PCDHGA7: variants seen among roughly 807,000 people sequenced by gnomAD.
The protein encoded by PCDHGA7 is protocadherin gamma subfamily A, 7, also known as protocadherin gamma-A7.
PCDHGA7 carries 44 observed loss-of-function variants against 58.3 expected under a neutral mutation model. The observed-to-expected ratio is 0.75, with a 90% CI of 0.59 to 0.97. PCDHGA7 has a LOEUF of 0.97. Ranked by LOEUF, PCDHGA7 falls within the 50% of genes least tolerant of loss-of-function variation. The pLI is 0.00. For synonymous variants in PCDHGA7, 516 were observed against 504.2 expected, an observed-to-expected ratio of 1.02 and a Z score of -0.31; for missense variants, 1,266 against 1,188.7, an observed-to-expected ratio of 1.06 and a Z score of -0.96.
In PCDHGA7 at chr5:141,477,028, G is replaced by A. The variant is rs1015508317; in HGVS notation, c.2425-17779G>A. On this transcript the variant is annotated intron_variant, in intron 1 of 3. Coordinates refer to ENST00000518325, the MANE Select transcript of PCDHGA7 (RefSeq NM_018920.4). The surrounding 1 kb of genome is among the most constrained non-coding windows in gnomAD (Gnocchi z 4.9). ...CCTTAGACCTTGTAACCGGGATGCT[G>A]ACAATCAAGGGTCGGCTGGACTTCG... The A allele has an allele frequency of 2.5e-6, 4 of 1,614,146 alleles. No homozygotes were observed. The highest frequency in any genetic ancestry group is 1.7e-5 in the Admixed American group (1 of 60,018).
chr5:141,404,707 C>A, intron 1 of PCDHGA7: 1 of 1,614,122 alleles, frequency 6.2e-7, no homozygotes, highest in South Asian at 1.1e-5. Flanking sequence ...CAGAGCCTGG[C>A]TACCTGGTGA....
At chr5:141,414,099 A>C in intron 1 of PCDHGA7, 3 of 1,593,504 alleles carry the variant, frequency 1.9e-6, no homozygotes, top group Non-Finnish European at 8.5e-7. Flanking sequence ...TAAAAATATC[A>C]GAAAATCTAG....
intron 1 of PCDHGA7, chr5:141,400,515 T>A: frequency 6.2e-7 from 1 of 1,613,988 alleles, no homozygotes. Flanking sequence ...CGACTTCCCA[T>A]CCTGAGTTGG....
intron 1 of PCDHGA7, chr5:141,398,674 A>T: frequency 6.2e-7 from 1 of 1,614,010 alleles, no homozygotes; most frequent in Non-Finnish European, 8.5e-7. Context: ...ATTAATAATT[A>T]AGGAGAAACA....
At chr5:141,387,529 T>C (rs933925608) in intron 1 of PCDHGA7, among the ~76,000 whole-genome samples, 2 of 152,236 alleles carry the variant, frequency 1.3e-5, no homozygotes, top group East Asian at 1.9e-4. Flanking sequence ...TACAGACGTA[T>C]CCACGTAGTT....
intron 1 of PCDHGA7, chr5:141,478,400 C>A (rs1295855090): frequency 6.2e-7 from 1 of 1,613,550 alleles, no homozygotes; most frequent in East Asian, 2.2e-5. Context: ...TCAGGTGTAT[C>A]TCACCACGGA....
At chr5:141,423,173 A>T (rs2096717258) in intron 1 of PCDHGA7, 1 of 1,613,330 alleles carries the variant, frequency 6.2e-7, no homozygotes, top group South Asian at 1.1e-5. Flanking sequence ...GCCGTCCAGG[A>T]CCACGGCCAG....
chr5:141,431,442 TCC>T lies in PCDHGA7; in HGVS notation c.2424+46120_2424+46121del. ...CCGGTGCGCACAGGCACCGCGCGCATCCGCGTGATGGTTCTGGATGCGAACGA... is the reference window on the plus strand; with the variant it reads ...CCGGTGCGCACAGGCACCGCGCGCATGCGTGATGGTTCTGGATGCGAACGA... On this transcript the variant is annotated intron_variant, in intron 1 of 3. Transcript: ENST00000518325. This position sits in a 1 kb window ranked among gnomAD's most constrained non-coding sequence, Gnocchi z 4.8. 1 of 1,613,746 alleles carries T rather than the reference TCC, an allele frequency of 6.2e-7. No homozygotes were observed. The highest frequency in any genetic ancestry group is 1.3e-5 in the African/African-American group (1 of 75,074).
chr5:141,487,068 T>C lies in PCDHGA7; in HGVS notation c.2425-7739T>C. ...TATGCTGGGGAGGTGCGGACGGCTG[T>C]TCCTATCCCAGCTGACCTCCCACCA... On this transcript the variant is annotated intron_variant, in intron 1 of 3. Transcript: ENST00000518325. The surrounding 1 kb of genome is among the most constrained non-coding windows in gnomAD (Gnocchi z 5.0). The C allele has an allele frequency of 6.2e-7, 1 of 1,614,166 alleles. No individual in the cohort carries two copies. The highest frequency in any genetic ancestry group is 8.5e-7 in the Non-Finnish European group (1 of 1,180,016).
chr5:141,490,111 A>G lies in PCDHGA7; in HGVS notation c.2425-4696A>G. 6.2e-7 allele frequency: 1 copy of G among 1,614,244 alleles called. No individual in the cohort carries two copies. The highest frequency in any genetic ancestry group is 8.5e-7 in the Non-Finnish European group (1 of 1,180,042). On this transcript the variant is annotated intron_variant, in intron 1 of 3. Coordinates refer to ENST00000518325, the MANE Select transcript of PCDHGA7 (RefSeq NM_018920.4). The surrounding 1 kb of genome is among the most constrained non-coding windows in gnomAD (Gnocchi z 5.4). ...AGACCACACATCTGAGGCAGTGCGGAACCTCTTTGGCCTAGACCCTAGCAG... is the reference window on the plus strand; with the variant it reads ...AGACCACACATCTGAGGCAGTGCGGGACCTCTTTGGCCTAGACCCTAGCAG...
Position 141,422,522 on chromosome 5 carries a change from C to T in PCDHGA7, c.2424+37199C>T, listed in dbSNP as rs767482856. On this transcript the variant is annotated intron_variant, in intron 1 of 3. Coordinates refer to ENST00000518325, the MANE Select transcript of PCDHGA7 (RefSeq NM_018920.4). Reference sequence around the variant, plus strand: ...ACAGCCACAGACCAGGGAAGCCCGCCTTTGTCTGCAGAAACTCATGTCTGG... The same window carrying T: ...ACAGCCACAGACCAGGGAAGCCCGCTTTTGTCTGCAGAAACTCATGTCTGG... 11 of 1,614,014 alleles carry T rather than the reference C, an allele frequency of 6.8e-6. No homozygotes were observed. In the South Asian group the frequency reaches 1.1e-4, roughly 16 times the overall value.
intron 1 of PCDHGA7, among the ~76,000 whole-genome samples, chr5:141,481,820 C>T (rs2099545799): frequency 6.6e-6 from 1 of 150,726 alleles, no homozygotes; most frequent in Non-Finnish European, 1.5e-5. Context: ...GGCGTGGTGG[C>T]TGAGGCAGGA....
chr5:141,394,316 G>C (rs779061595), intron 1 of PCDHGA7: 1 of 1,613,976 alleles, frequency 6.2e-7, no homozygotes, highest in African/African-American at 1.3e-5. Context: ...GGGCGCCCCT[G>C]TCCTCGTATA....
intron 1 of PCDHGA7, chr5:141,405,443 A>G (rs2154536495): frequency 7.2e-7 from 1 of 1,381,938 alleles, no homozygotes; most frequent in Non-Finnish European, 1.0e-6. Flanking sequence ...TTTTTGAGAC[A>G]GAGTCTTACT....
In PCDHGA7 at chr5:141,477,155, G is replaced by A. The variant is rs2099406190; in HGVS notation, c.2425-17652G>A. ...GTTGGTGGAGGTTGTGGATGTGAATGACAACGCCCCGGAGATCACAGTCAC... is the reference window on the plus strand; with the variant it reads ...GTTGGTGGAGGTTGTGGATGTGAATAACAACGCCCCGGAGATCACAGTCAC... On this transcript the variant is annotated intron_variant, in intron 1 of 3. Coordinates refer to ENST00000518325, the MANE Select transcript of PCDHGA7 (RefSeq NM_018920.4). The surrounding 1 kb of genome is among the most constrained non-coding windows in gnomAD (Gnocchi z 4.9). The A allele has an allele frequency of 6.2e-7, 1 of 1,614,190 alleles. No individual in the cohort carries two copies. The highest frequency in any genetic ancestry group is 8.5e-7 in the Non-Finnish European group (1 of 1,180,042).
intron 1 of PCDHGA7, chr5:141,403,850 G>T: frequency 6.2e-7 from 1 of 1,613,634 alleles, no homozygotes; most frequent in Non-Finnish European, 8.5e-7. Context: ...AAATACTGGG[G>T]AAATATCAAC....
chr5:141,432,863 T>C lies in PCDHGA7; in HGVS notation c.2424+47540T>C, dbSNP rs762979829. On this transcript the variant is annotated intron_variant, in intron 1 of 3. Coordinates refer to ENST00000518325, the MANE Select transcript of PCDHGA7 (RefSeq NM_018920.4). This position sits in a 1 kb window ranked among gnomAD's most constrained non-coding sequence, Gnocchi z 6.0. ...GGTGGTAGCGGTGGCCGCGGTCTCCTGCGTCTTCCTGGCCTTCGTCATCTT... is the reference window on the plus strand; with the variant it reads ...GGTGGTAGCGGTGGCCGCGGTCTCCCGCGTCTTCCTGGCCTTCGTCATCTT... 20 of 1,614,192 alleles carry C rather than the reference T, an allele frequency of 1.2e-5. No individual in the cohort carries two copies. Among genetic ancestry groups the C allele is most frequent in the Admixed American group, 6.7e-5 (4 of 60,032 alleles).
At chr5:141,461,430 A>G (rs1239117668) in intron 1 of PCDHGA7, among the ~76,000 whole-genome samples, 2 of 151,992 alleles carry the variant, frequency 1.3e-5, no homozygotes, top group African/African-American at 4.8e-5. Context: ...GGCCATTTGT[A>G]TACCTTCTTT....
In PCDHGA7 at chr5:141,486,474, C is replaced by T. The variant is rs1594589698; in HGVS notation, c.2425-8333C>T. On this transcript the variant is annotated intron_variant, in intron 1 of 3. Transcript: ENST00000518325. This position sits in a 1 kb window ranked among gnomAD's most constrained non-coding sequence, Gnocchi z 5.0. ...ACTGCTTCTGATGCTGGGAACCCTCCTCTCAGTACCCACAGAACTATTTTC... is the reference window on the plus strand; with the variant it reads ...ACTGCTTCTGATGCTGGGAACCCTCTTCTCAGTACCCACAGAACTATTTTC... 1 of 1,614,016 alleles carries T rather than the reference C, an allele frequency of 6.2e-7. No homozygotes were observed. Among genetic ancestry groups the T allele is most frequent in the South Asian group, 1.1e-5 (1 of 91,082 alleles).
Sources: gnomAD v4.1 joint callset for allele counts (sites outside exome capture counted in the v4.1 genomes callset) on GRCh38, gnomAD v4.1.1 for gene constraint, Gnocchi (gnomAD v3.1) non-coding constraint, MANE v1.5 for transcripts, NCBI Gene and HGNC (gene_info 2026-07-23, HGNC 2026-07-21) for gene names.